CNTN1: variants seen among roughly 807,000 people sequenced by gnomAD.
CNTN1 encodes contactin-1.
CNTN1 carries 38 observed loss-of-function variants against 126.4 expected under a neutral mutation model. That is an observed-to-expected ratio of 0.30 (90% CI 0.23 to 0.39). The LOEUF (loss-of-function observed/expected upper bound fraction) is 0.39. Among genes scored for constraint, CNTN1 ranks in the 10% least tolerant of loss-of-function variants. The probability of loss-of-function intolerance (pLI) is 1.00; values close to 1 mark genes in which losing one functional copy is unlikely to be tolerated. For missense variants in CNTN1, 1,009 were observed against 1,248.4 expected (o/e 0.81, Z 2.89); for synonymous variants, 413 against 422.6 (o/e 0.98, Z 0.28).
intron 4 of CNTN1, among the ~76,000 whole-genome samples, chr12:40,921,320 G>C (rs376847864): frequency 2.0e-5 from 3 of 152,278 alleles, no homozygotes; most frequent in Admixed American, 2.0e-4. Context: ...CTACTTGAGC[G>C]ATTTGACCAC....
At chr12:41,050,618 C>G (rs1949653800) in intron 23 of CNTN1, among the ~76,000 whole-genome samples, 1 of 152,154 alleles carries the variant, frequency 6.6e-6, no homozygotes, top group Non-Finnish European at 1.5e-5. Context: ...GGGACACAGC[C>G]AAACCATTAT....
rs1323233840 is a variant in CNTN1 at position 40,925,842 on chromosome 12, GTGTATATATA to G, written c.496+1192_496+1201del. ...TATATATATATATGTATGTGTGTGTGTGTATATATATATATATATATATATGTATATATAC... is the reference window on the plus strand; with the variant it reads ...TATATATATATATGTATGTGTGTGTGTATATATATATATATGTATATATAC... On this transcript the variant is annotated intron_variant, in intron 6 of 23. Coordinates refer to ENST00000551295, the MANE Select transcript of CNTN1 (RefSeq NM_001843.4). Among the ~76,000 whole-genome samples the G allele has an allele frequency of 3.3e-4, 42 of 129,184 alleles. No individual in the cohort carries two copies. The East Asian group carries it at 4.1e-3, about 13-fold the overall frequency. 84.7% of individuals were successfully genotyped at this position (129,184 alleles called of 152,430 possible).
intron 1 of CNTN1, among the ~76,000 whole-genome samples, chr12:40,770,689 A>G (rs1482956652): frequency 6.6e-6 from 1 of 152,178 alleles, no homozygotes; most frequent in African/African-American, 2.4e-5. Context: ...AAAGCTTAAC[A>G]TATAATATGC....
chr12:40,907,748 A>G (rs1475453593), intron 1 of CNTN1, among the ~76,000 whole-genome samples: 1 of 152,196 alleles, frequency 6.6e-6, no homozygotes, highest in Non-Finnish European at 1.5e-5. Flanking sequence ...TTTTTCTTGA[A>G]TAAGTGAAAG....
intron 6 of CNTN1, among the ~76,000 whole-genome samples, chr12:40,927,582 C>T (rs1460377507): frequency 2.0e-5 from 3 of 152,054 alleles, no homozygotes; most frequent in African/African-American, 7.2e-5. Flanking sequence ...GTAACGATTG[C>T]TGACAGATTC....
intron 4 of CNTN1, among the ~76,000 whole-genome samples, chr12:40,919,062 G>A (rs1035582542): frequency 6.6e-6 from 1 of 152,018 alleles, no homozygotes; most frequent in Non-Finnish European, 1.5e-5. Flanking sequence ...GCCCATGAAT[G>A]GTTACATAAA....
At chr12:41,033,540 T>G (rs1356309854) in intron 23 of CNTN1, among the ~76,000 whole-genome samples, 1 of 152,142 alleles carries the variant, frequency 6.6e-6, no homozygotes, top group Non-Finnish European at 1.5e-5. Context: ...GATAGCTGAA[T>G]CAAGAAAGAC....
At chr12:41,000,526 A>G (rs1362057865) in intron 17 of CNTN1, among the ~76,000 whole-genome samples, 1 of 152,092 alleles carries the variant, frequency 6.6e-6, no homozygotes, top group Non-Finnish European at 1.5e-5. Flanking sequence ...AGTCAGTTTC[A>G]TTTTCTAACA....
chr12:40,922,184 G>T, intron 4 of CNTN1, 72 bp from the exon 5 acceptor site: 1 of 1,328,212 alleles, frequency 7.5e-7, no homozygotes, highest in South Asian at 1.2e-5. Flanking sequence ...AATTATTTTA[G>T]AACTGTGTTA....
chr12:40,834,675 C>T (rs1941980382), intron 1 of CNTN1, among the ~76,000 whole-genome samples: 1 of 152,124 alleles, frequency 6.6e-6, no homozygotes, highest in Non-Finnish European at 1.5e-5. Flanking sequence ...TGAGGGCATC[C>T]AAGCTCCAGA....
rs2136937864 is a variant in CNTN1 at position 40,939,381 on chromosome 12, G to C, written c.1275G>C (p.Leu425=). The stretch of plus-strand genomic sequence containing the variant: ...TGAATCCTATGAAGAAAAAGATCCT[G>C]GCTGCTAAAGGTGGAAGGGTGATAA... ...FEMNPMKKKI[L]AAKGGRVIIE... The change falls in exon 12 of 24, where the codon CTG becomes CTC. Residue 425 remains leucine (L), a synonymous_variant. Coordinates refer to ENST00000551295, the MANE Select transcript of CNTN1 (RefSeq NM_001843.4). 7 of 1,613,874 alleles carry C rather than the reference G, an allele frequency of 4.3e-6. No homozygotes were observed. Among genetic ancestry groups the C allele is most frequent in the Non-Finnish European group, 5.9e-6 (7 of 1,179,922 alleles).
At chr12:40,810,303 C>A (rs1257704917) in intron 1 of CNTN1, among the ~76,000 whole-genome samples, 1 of 152,072 alleles carries the variant, frequency 6.6e-6, no homozygotes, top group Non-Finnish European at 1.5e-5. Context: ...GTTTTGATAT[C>A]TATATACAAA....
chr12:40,729,563 G>T, intron 1 of CNTN1: 1 of 229,752 alleles, frequency 4.4e-6, no homozygotes, highest in South Asian at 7.6e-5. Context: ...TTGATACAGA[G>T]AATTGGGAAA....
intron 23 of CNTN1, among the ~76,000 whole-genome samples, chr12:41,040,602 T>C (rs1949380415): frequency 6.6e-6 from 1 of 152,170 alleles, no homozygotes; most frequent in African/African-American, 2.4e-5. Context: ...AGCAGTGGTT[T>C]GTAGTTCTCC....
intron 1 of CNTN1, among the ~76,000 whole-genome samples, chr12:40,880,652 T>C (rs1943840599): frequency 6.6e-6 from 1 of 152,026 alleles, no homozygotes; most frequent in Admixed American, 6.6e-5. Context: ...TGACAATAAG[T>C]GTCAGAGAAC....
Position 40,933,662 on chromosome 12 carries a change from T to C in CNTN1, c.804-35T>C, listed in dbSNP as rs374647402. ...ACATAAAGTAATTGTCTTTTAAGTG[T>C]GTGAAACTTTAACCCTTGTATCTTC... On this transcript the variant is annotated intron_variant, in intron 8 of 23. Coordinates refer to ENST00000551295, the MANE Select transcript of CNTN1 (RefSeq NM_001843.4). 35 of 1,597,340 alleles carry C rather than the reference T, an allele frequency of 2.2e-5. No individual in the cohort carries two copies. In the African/African-American group the frequency reaches 4.6e-4, roughly 21 times the overall value.
At chr12:40,910,142 T>C (rs753876031) in intron 3 of CNTN1, 37 bp downstream of exon 3, 2 of 1,484,958 alleles carry the variant, frequency 1.3e-6, no homozygotes, top group Admixed American at 3.3e-5. Flanking sequence ...TAAACATCTT[T>C]TCTCTATTGA....
chr12:41,038,997 G>C (rs963216258), intron 23 of CNTN1, among the ~76,000 whole-genome samples: 6 of 152,130 alleles, frequency 3.9e-5, no homozygotes, highest in Non-Finnish European at 2.9e-5. Context: ...CTGGCTGTAT[G>C]TTTAGATGTT....
intron 1 of CNTN1, among the ~76,000 whole-genome samples, chr12:40,716,809 ATTCT>A (rs1400878540): frequency 2.0e-5 from 3 of 152,202 alleles, no homozygotes; most frequent in Non-Finnish European, 4.4e-5. Context: ...AACACCAGAA[ATTCT>A]TTCTTCTCTG....
Sources: gnomAD v4.1 joint callset for allele counts (sites outside exome capture counted in the v4.1 genomes callset) on GRCh38, gnomAD v4.1.1 for gene constraint, MANE v1.5 for transcripts, NCBI Gene and HGNC (gene_info 2026-07-23, HGNC 2026-07-21) for gene names.